The following CDH12 variants were observed in gnomAD, a reference collection of about 807,000 sequenced individuals.
CDH12 encodes cadherin 12, also known as cadherin-12.
A neutral mutation model predicts 74.1 loss-of-function variants in CDH12; 41 were observed. The ratio of observed to expected loss-of-function variants is 0.55; its 90% confidence interval spans 0.43 to 0.72. CDH12 has a LOEUF of 0.72. CDH12 is among the 30% of genes least tolerant of loss of function. The pLI is 0.00. For synonymous variants in CDH12, 399 were observed against 355.0 expected (o/e 1.12, Z -1.39); for missense variants, 945 against 977.2 (o/e 0.97, Z 0.44).
At chr5:22,830,666 A>C (rs904855029) in intron 1 of CDH12, among the ~76,000 whole-genome samples, 3 of 151,798 alleles carry the variant, frequency 2.0e-5, no homozygotes, top group Non-Finnish European at 1.5e-5. Flanking sequence ...GATTCCTAGA[A>C]AGAGATAATG....
At chr5:22,466,714 C>T (rs1471810094) in intron 2 of CDH12, among the ~76,000 whole-genome samples, 3 of 142,318 alleles carry the variant, frequency 2.1e-5, no homozygotes, top group Non-Finnish European at 4.6e-5. Context: ...TGTCACTTTA[C>T]AGACATTTAC....
chr5:22,029,091 C>T (rs899348971), intron 5 of CDH12, among the ~76,000 whole-genome samples: 1 of 152,274 alleles, frequency 6.6e-6, no homozygotes, highest in South Asian at 2.1e-4. Flanking sequence ...CCCTTCCATA[C>T]ACCTTTAACA....
At chr5:22,632,397 A>T (rs1738632313) in intron 1 of CDH12, among the ~76,000 whole-genome samples, 1 of 152,228 alleles carries the variant, frequency 6.6e-6, no homozygotes, top group Admixed American at 6.5e-5. Context: ...GAACTGAAAA[A>T]TTGTTTAAAC....
At position 22,655,645 on chromosome 5, in the gene CDH12, A is replaced by C. The variant is rs539211502; in HGVS notation, c.-522-150281T>G. Reference sequence around the variant, plus strand: ...ACCCTTTTTTGTGGGTTACATGATCACCATGATCTGCCTGGAGGACAATGA... The same window carrying C: ...ACCCTTTTTTGTGGGTTACATGATCCCCATGATCTGCCTGGAGGACAATGA... On this transcript the variant is annotated intron_variant, in intron 1 of 14. Transcript: ENST00000382254. 5.3e-5 allele frequency among the ~76,000 whole-genome samples: 8 copies of C among 152,334 alleles called. No homozygotes were observed. The East Asian group carries it at 1.5e-3, about 29-fold the overall frequency.
intron 5 of CDH12, among the ~76,000 whole-genome samples, chr5:22,019,057 C>T (rs1737793276): frequency 3.4e-5 from 1 of 29,402 alleles, no homozygotes; most frequent in South Asian, 2.3e-3. Flanking sequence ...AAGACTGTGT[C>T]TCAAAAAAAA....
chr5:22,674,596 G>A (rs1160009244), intron 1 of CDH12, among the ~76,000 whole-genome samples: 1 of 152,162 alleles, frequency 6.6e-6, no homozygotes, highest in Non-Finnish European at 1.5e-5. Context: ...GGCAGAAGTT[G>A]GAACAGTTTG....
At chr5:22,632,522 T>C (rs984798282) in intron 1 of CDH12, among the ~76,000 whole-genome samples, 4 of 152,086 alleles carry the variant, frequency 2.6e-5, no homozygotes, top group Non-Finnish European at 4.4e-5. Flanking sequence ...AGAAGAATAA[T>C]AATTACATTA....
At chr5:22,529,081 A>C (rs1171966121) in intron 1 of CDH12, among the ~76,000 whole-genome samples, 1 of 150,812 alleles carries the variant, frequency 6.6e-6, no homozygotes, top group Non-Finnish European at 1.5e-5. Context: ...ATGCATATAT[A>C]TGCATGCAAA....
intron 3 of CDH12, among the ~76,000 whole-genome samples, chr5:22,356,619 G>A (rs977033525): frequency 6.6e-6 from 1 of 152,042 alleles, no homozygotes; most frequent in South Asian, 2.1e-4. Flanking sequence ...GGAAGACTGA[G>A]TCTTAAATAA....
intron 4 of CDH12, among the ~76,000 whole-genome samples, chr5:22,128,482 T>C (rs1264180338): frequency 6.6e-6 from 1 of 152,198 alleles, no homozygotes; most frequent in Non-Finnish European, 1.5e-5. Context: ...GGTATCATTT[T>C]CTACACTTAA....
intron 2 of CDH12, among the ~76,000 whole-genome samples, chr5:22,438,894 T>C (rs1322593713): frequency 2.0e-5 from 3 of 151,818 alleles, no homozygotes; most frequent in Non-Finnish European, 4.4e-5. Context: ...TTAATAATCT[T>C]AATATATATC....
rs538187003 is a variant in CDH12, at chr5:21,936,971, T to A, written c.526+38120A>T. ...CTGTGAGTCAAGTAAGCCTCTTTTG[T>A]TTATAAATTATCCATTCTCAGGTAG... is the stretch of plus-strand genomic sequence containing the variant. On this transcript the variant is annotated intron_variant, in intron 6 of 14. Coordinates refer to ENST00000382254, the MANE Select transcript of CDH12 (RefSeq NM_004061.5). Among the ~76,000 whole-genome samples, 15 of 152,298 alleles carry A rather than the reference T, an allele frequency of 9.8e-5. No individual in the cohort carries two copies. In the East Asian group the frequency reaches 2.9e-3, roughly 29 times the overall value.
chr5:22,055,220 T>C (rs1479263176), intron 5 of CDH12, among the ~76,000 whole-genome samples: 1 of 152,166 alleles, frequency 6.6e-6, no homozygotes, highest in East Asian at 1.9e-4. Context: ...CTTCACTCTC[T>C]GCAGAGGCAG....
chr5:22,566,392 C>G (rs537875063), intron 1 of CDH12, among the ~76,000 whole-genome samples: 7 of 152,104 alleles, frequency 4.6e-5, no homozygotes, highest in African/African-American at 1.4e-4. Context: ...CATGCACCAC[C>G]AAGCTCAGCT....
chr5:22,153,893 T>C (rs1444183810), intron 4 of CDH12, among the ~76,000 whole-genome samples: 22 of 53,438 alleles, frequency 4.1e-4, no homozygotes, highest in African/African-American at 8.3e-4. Context: ...TATATAAATA[T>C]ATATATATAT....
chr5:22,841,152 G>A (rs1737064197), intron 1 of CDH12, among the ~76,000 whole-genome samples: 1 of 152,136 alleles, frequency 6.6e-6, no homozygotes, highest in African/African-American at 2.4e-5. Flanking sequence ...AGAACTAGAA[G>A]CAGTAATTTG....
At chr5:22,797,264 A>G (rs1748278039) in intron 1 of CDH12, among the ~76,000 whole-genome samples, 2 of 151,306 alleles carry the variant, frequency 1.3e-5, no homozygotes, top group South Asian at 4.2e-4. Flanking sequence ...GAAGACAACC[A>G]TCTATGAACC....
At chr5:22,681,093 G>C (rs931706435) in intron 1 of CDH12, among the ~76,000 whole-genome samples, 1 of 151,824 alleles carries the variant, frequency 6.6e-6, no homozygotes, top group Non-Finnish European at 1.5e-5. Flanking sequence ...ATTACCTCAT[G>C]GTTAAAACCC....
chr5:22,158,309 G>C (rs1254843136), intron 4 of CDH12, among the ~76,000 whole-genome samples: 1 of 151,962 alleles, frequency 6.6e-6, no homozygotes, highest in Admixed American at 6.6e-5. Flanking sequence ...AAAAATGGCT[G>C]TATCTGTGTT....
Sources: allele counts gnomAD v4.1 joint callset (sites outside exome capture counted in the v4.1 genomes callset), GRCh38; gene constraint gnomAD v4.1.1; transcripts MANE v1.5; gene names NCBI Gene and HGNC (gene_info 2026-07-23, HGNC 2026-07-21).